Variants in TGFBR3 observed in about 807,000 individuals in gnomAD.
TGFBR3 encodes transforming growth factor beta receptor 3.
In TGFBR3, 46 loss-of-function variants were observed where a neutral mutation model predicts 87.9. That is an observed-to-expected ratio of 0.52 (90% confidence interval 0.41 to 0.67). The LOEUF is 0.67. Ranked by LOEUF, TGFBR3 falls within the 30% of genes least tolerant of loss-of-function variation. The pLI, the probability that TGFBR3 is intolerant of heterozygous loss-of-function variation, is 0.00. For synonymous variants in TGFBR3, 381 were observed against 391.6 expected, an observed-to-expected ratio of 0.97 and a Z score of 0.32; for missense variants, 866 against 1,041.9, an observed-to-expected ratio of 0.83 and a Z score of 2.32.
At chr1:91,886,427 G>A (rs951200655), upstream of TGFBR3, 3 of 325,930 alleles carry the variant, frequency 9.2e-6, no homozygotes, top group African/African-American at 6.8e-5. Context: ...AGGGGCTAGG[G>A]GCGCGGCCGG....
At chr1:91,901,656 T>C (rs1261750020) in intron 1 of TGFBR3, among the ~76,000 whole-genome samples, 2 of 151,982 alleles carry the variant, frequency 1.3e-5, no homozygotes, top group Non-Finnish European at 2.9e-5. Context: ...GGCTCATGCC[T>C]GTAATCCCAG....
intron 2 of TGFBR3, among the ~76,000 whole-genome samples, chr1:91,814,284 T>G (rs191477447): frequency 1.9e-3 from 285 of 152,320 alleles, no homozygotes; most frequent in African/African-American, 6.5e-3. Context: ...TTTCTCATAC[T>G]CAAGAAGGTT....
chr1:91,898,979 T>C (rs1478446508), intron 2 of TGFBR3, among the ~76,000 whole-genome samples: 1 of 152,222 alleles, frequency 6.6e-6, no homozygotes, highest in Non-Finnish European at 1.5e-5. Context: ...TGGTTTCATG[T>C]ATGTTTGTTA....
At chr1:91,699,971 A>T (rs928665616) in intron 14 of TGFBR3, among the ~76,000 whole-genome samples, 13 of 152,342 alleles carry the variant, frequency 8.5e-5, no homozygotes, top group African/African-American at 3.1e-4. Flanking sequence ...TTTTGAAATG[A>T]TTTTTTAAAA....
At chr1:91,882,891 T>C (rs1264482347) in intron 1 of TGFBR3, among the ~76,000 whole-genome samples, 3 of 152,212 alleles carry the variant, frequency 2.0e-5, no homozygotes, top group East Asian at 1.9e-4. Context: ...ACTACTATAC[T>C]TGAATATTAA....
At chr1:91,858,211 G>T (rs1283153403) in intron 2 of TGFBR3, among the ~76,000 whole-genome samples, 1 of 152,120 alleles carries the variant, frequency 6.6e-6, no homozygotes, top group African/African-American at 2.4e-5. Flanking sequence ...ATTCATCATT[G>T]TTATAACTAC....
intron 7 of TGFBR3, 142 bp downstream of exon 7, chr1:91,727,517 T>G: frequency 9.7e-7 from 1 of 1,036,256 alleles, no homozygotes; most frequent in South Asian, 1.5e-5. Context: ...TATAGGAGCA[T>G]GCTATTTTGC....
At chr1:91,722,713 A>C (rs1439458334) in intron 7 of TGFBR3, among the ~76,000 whole-genome samples, 1 of 152,190 alleles carries the variant, frequency 6.6e-6, no homozygotes, top group African/African-American at 2.4e-5. Flanking sequence ...ACACAAACCT[A>C]CATGGTAGAG....
At chr1:91,881,709 C>A (rs1679078472) in intron 1 of TGFBR3, among the ~76,000 whole-genome samples, 1 of 152,078 alleles carries the variant, frequency 6.6e-6, no homozygotes, top group Non-Finnish European at 1.5e-5. Context: ...ATCCATGGGA[C>A]CCTAACGTAG....
intron 2 of TGFBR3, among the ~76,000 whole-genome samples, chr1:91,835,403 A>G (rs890944213): frequency 6.6e-6 from 1 of 152,238 alleles, no homozygotes; most frequent in African/African-American, 2.4e-5. Flanking sequence ...GTAGCACAAC[A>G]CAAGGAAGAA....
chr1:91,725,363 T>C (rs538097720), intron 7 of TGFBR3, among the ~76,000 whole-genome samples: 3 of 152,314 alleles, frequency 2.0e-5, no homozygotes, highest in Non-Finnish European at 2.9e-5. Context: ...AGTGCCCTAA[T>C]TGTTCCTATA....
rs17882253 is a variant in TGFBR3, at chr1:91,698,798, C to T, written c.2288-668G>A. 4.2e-3 allele frequency among the ~76,000 whole-genome samples: 633 copies of T among 152,304 alleles called. 2 individuals are homozygous for T. Among genetic ancestry groups the T allele is most frequent in the South Asian group, 0.013 (62 of 4,826 alleles). On this transcript the variant is annotated intron_variant, in intron 14 of 16. Transcript: ENST00000212355. ...GAGGGACTATAGGCGCGAGCCACTG[C>T]GCCCAGCCTTCAAAATATTCTTTTA... is the stretch of plus-strand genomic sequence containing the variant.
intron 2 of TGFBR3, among the ~76,000 whole-genome samples, chr1:91,814,199 G>A (rs1479742467): frequency 1.3e-5 from 2 of 150,060 alleles, no homozygotes; most frequent in Non-Finnish European, 3.0e-5. Context: ...TCATTATTAT[G>A]TAAGGAAAGG....
chr1:91,876,098 G>C (rs1301971250), intron 1 of TGFBR3, among the ~76,000 whole-genome samples: 1 of 151,946 alleles, frequency 6.6e-6, no homozygotes, highest in African/African-American at 2.4e-5. Flanking sequence ...GCACCTCATG[G>C]GGGTGTGGTG....
intron 4 of TGFBR3, among the ~76,000 whole-genome samples, chr1:91,751,947 A>T (rs1673555051): frequency 6.6e-6 from 1 of 152,186 alleles, no homozygotes; most frequent in South Asian, 2.1e-4. Flanking sequence ...AGAATCACAG[A>T]GTTTAAAAGC....
chr1:91,777,261 G>A (rs1324975509), intron 3 of TGFBR3, among the ~76,000 whole-genome samples: 1 of 151,888 alleles, frequency 6.6e-6, no homozygotes, highest in Non-Finnish European at 1.5e-5. Context: ...AGTGTCACAG[G>A]CTGTCACAAT....
rs1310204305 is a variant in TGFBR3 at position 91,680,459 on chromosome 1, G to A, written c.*3280C>T. 2.2e-6 allele frequency: 1 copy of A among 454,004 alleles called. No individual in the cohort carries two copies. The allele number at this position is 454,004 out of a possible 1,614,324, so 28.1% of individuals were successfully genotyped here. On this transcript the variant is annotated 3_prime_UTR_variant, in exon 17 of 17. Transcript: ENST00000212355. ...TAGCTGACACACTGAACAGAGAAAAGAATACAACAGGGGTGTTCAAACTGG... is the reference window on the plus strand; with the variant it reads ...TAGCTGACACACTGAACAGAGAAAAAAATACAACAGGGGTGTTCAAACTGG...
At chr1:91,749,832 C>T (rs1307174484) in intron 4 of TGFBR3, among the ~76,000 whole-genome samples, 1 of 152,188 alleles carries the variant, frequency 6.6e-6, no homozygotes, top group Non-Finnish European at 1.5e-5. Flanking sequence ...TATTCTGCAA[C>T]CTTCCTTAAC....
intron 2 of TGFBR3, among the ~76,000 whole-genome samples, chr1:91,810,445 CT>C (rs1409515304): frequency 6.6e-6 from 1 of 152,158 alleles, no homozygotes; most frequent in Non-Finnish European, 1.5e-5. Context: ...CAAATATAAG[CT>C]TTTATAAATC....
Sources: allele counts gnomAD v4.1 joint callset (sites outside exome capture counted in the v4.1 genomes callset), GRCh38; gene constraint gnomAD v4.1.1; transcripts MANE v1.5; gene names NCBI Gene and HGNC (gene_info 2026-07-23, HGNC 2026-07-21).